CSRNP3: variants seen among roughly 807,000 people sequenced by gnomAD.
CSRNP3 encodes the protein cysteine/serine-rich nuclear protein 3.
CSRNP3 carries 12 observed loss-of-function variants against 48.0 expected under a neutral mutation model. The ratio of observed to expected loss-of-function variants is 0.25; its 90% confidence interval spans 0.16 to 0.41. The LOEUF is 0.41. Ranked by LOEUF, CSRNP3 falls within the 10% of genes least tolerant of loss-of-function variation. The pLI is 1.00. For missense variants in CSRNP3, 580 were observed against 724.4 expected (o/e 0.80, Z 2.29); for synonymous variants, 263 against 269.7 (o/e 0.98, Z 0.24).
intron 3 of CSRNP3, among the ~76,000 whole-genome samples, chr2:165,592,743 G>A (rs905423233): frequency 2.0e-5 from 3 of 150,768 alleles, no homozygotes; most frequent in African/African-American, 7.3e-5. Context: ...TGCCATGATT[G>A]TAAGTTTCTT....
chr2:165,512,319 G>C (rs1684517933), intron 2 of CSRNP3, among the ~76,000 whole-genome samples: 1 of 152,106 alleles, frequency 6.6e-6, no homozygotes, highest in Non-Finnish European at 1.5e-5. Context: ...ACTTCCTTAA[G>C]TTTTATAATT....
intron 4 of CSRNP3, among the ~76,000 whole-genome samples, chr2:165,629,288 G>C (rs559746942): frequency 6.6e-6 from 1 of 152,206 alleles, no homozygotes; most frequent in East Asian, 1.9e-4. Context: ...CCTGCTTCAG[G>C]TTCTGCGTAC....
intron 5 of CSRNP3, among the ~76,000 whole-genome samples, chr2:165,671,613 C>T (rs1687332533): frequency 6.6e-6 from 1 of 152,294 alleles, no homozygotes; most frequent in Middle Eastern, 3.4e-3. Context: ...CCTTCTAGGC[C>T]TCTGGGACTG....
intron 1 of CSRNP3, among the ~76,000 whole-genome samples, chr2:165,473,382 G>C (rs1418908244): frequency 6.6e-6 from 1 of 152,028 alleles, no homozygotes; most frequent in Non-Finnish European, 1.5e-5. Context: ...CTTATTGCTG[G>C]AAATGGAGGG....
chr2:165,511,671 G>A (rs553990348), intron 2 of CSRNP3, among the ~76,000 whole-genome samples: 2 of 152,092 alleles, frequency 1.3e-5, no homozygotes, highest in African/African-American at 4.8e-5. Flanking sequence ...GTGAGGAGGT[G>A]GGAAGGAATG....
rs893100315 is a variant in CSRNP3 at position 165,484,775 on chromosome 2, A to T, written c.-282-9984A>T. ...CTCACAATTTAGCTTTCTCTGTATA[A>T]TCCTGCTTCTATTGCCATGGAATCA... is the stretch of plus-strand genomic sequence containing the variant. On this transcript the variant is annotated intron_variant, in intron 1 of 6. Transcript: ENST00000651982. Among the ~76,000 whole-genome samples, 4 of 152,154 alleles carry T rather than the reference A, an allele frequency of 2.6e-5. No individual in the cohort carries two copies. The East Asian group carries it at 7.7e-4, about 29-fold the overall frequency.
intron 4 of CSRNP3, among the ~76,000 whole-genome samples, chr2:165,623,800 T>C (rs963012136): frequency 8.5e-5 from 13 of 152,234 alleles, no homozygotes; most frequent in Non-Finnish European, 1.0e-4. Context: ...ACTTGGATTC[T>C]ACTTATAGGT....
chr2:165,574,349 C>T (rs1356382584), intron 3 of CSRNP3: 4 of 1,548,952 alleles, frequency 2.6e-6, no homozygotes, highest in African/African-American at 1.4e-5. Context: ...CAGTGTTTTG[C>T]AGCAGTTAAA....
At chr2:165,676,234 C>A in intron 5 of CSRNP3, 78 bp from the exon 6 acceptor site, 2 of 1,032,574 alleles carry the variant, frequency 1.9e-6, no homozygotes, top group Non-Finnish European at 2.9e-6. Flanking sequence ...TATAATAGTT[C>A]ATTCTCACCC....
Position 165,658,829 on chromosome 2 carries a change from A to G in CSRNP3, c.408+809A>G, listed in dbSNP as rs1273346305. On this transcript the variant is annotated intron_variant, in intron 5 of 6. Transcript: ENST00000651982. Reference sequence around the variant, plus strand: ...ATGGGGGAACTGCACCCATGATTCAATTATCCCCCACTGGGTCCCTGCCAC... The same window carrying G: ...ATGGGGGAACTGCACCCATGATTCAGTTATCCCCCACTGGGTCCCTGCCAC... Among the ~76,000 whole-genome samples the G allele has an allele frequency of 6.6e-5, 10 of 152,158 alleles. 1 individual carries two copies. Among genetic ancestry groups the G allele is most frequent in the Non-Finnish European group, 8.8e-5 (6 of 68,028 alleles).
intron 4 of CSRNP3, among the ~76,000 whole-genome samples, chr2:165,615,577 T>G (rs1187795878): frequency 6.6e-6 from 1 of 151,916 alleles, no homozygotes. Flanking sequence ...AATTGTTATA[T>G]CCTCTTGCTG....
chr2:165,534,787 T>A (rs996086325), intron 3 of CSRNP3, among the ~76,000 whole-genome samples: 3 of 151,730 alleles, frequency 2.0e-5, no homozygotes, highest in Admixed American at 2.0e-4. Context: ...CCCATAATAT[T>A]AAAATAATAA....
intron 2 of CSRNP3, among the ~76,000 whole-genome samples, chr2:165,507,219 AATGTTTT>A (rs1684438307): frequency 6.6e-6 from 1 of 152,108 alleles, no homozygotes; most frequent in East Asian, 1.9e-4. Context: ...AAATAAGTAA[AATGTTTT>A]ACTTATTTTC....
intron 1 of CSRNP3, among the ~76,000 whole-genome samples, chr2:165,486,436 GC>G (rs1473747335): frequency 4.7e-5 from 7 of 150,266 alleles, no homozygotes; most frequent in Non-Finnish European, 8.9e-5. Context: ...ACTGGGTGGA[GC>G]CCACCACAGC....
In CSRNP3 at chr2:165,608,934, CAAAAAAAAAA is replaced by C. The variant is rs33952227; in HGVS notation, c.148+13735_148+13744del. On this transcript the variant is annotated intron_variant, in intron 4 of 6. Transcript: ENST00000651982. ...TGAAACCCCGTCTCTACTAAAAATA[CAAAAAAAAAA>C]AAAAAAAAAAAAATTAGCTGGGCAT... 3.7e-3 allele frequency among the ~76,000 whole-genome samples: 276 copies of C among 75,584 alleles called. 1 individual carries two copies. Among genetic ancestry groups the C allele is most frequent in the African/African-American group, 0.015 (263 of 17,906 alleles). 49.6% of individuals were successfully genotyped at this position (75,584 alleles called of 152,430 possible).
intron 3 of CSRNP3, among the ~76,000 whole-genome samples, chr2:165,550,717 G>T (rs990153293): frequency 2.0e-5 from 3 of 152,090 alleles, no homozygotes; most frequent in African/African-American, 7.2e-5. Context: ...GATAAATGTG[G>T]CACAATCCAT....
intron 3 of CSRNP3, among the ~76,000 whole-genome samples, chr2:165,522,644 G>A (rs1000551772): frequency 1.3e-5 from 2 of 151,758 alleles, no homozygotes; most frequent in Non-Finnish European, 2.9e-5. Context: ...GTAATCAGCG[G>A]GGTGAAGTTA....
At chr2:165,644,070 A>G (rs956386019) in intron 4 of CSRNP3, among the ~76,000 whole-genome samples, 3 of 152,160 alleles carry the variant, frequency 2.0e-5, no homozygotes, top group Non-Finnish European at 4.4e-5. Flanking sequence ...AATCATTTAT[A>G]ATATTCAGGT....
At chr2:165,511,148 T>TTACC (rs1314258691) in intron 2 of CSRNP3, among the ~76,000 whole-genome samples, 10 of 152,184 alleles carry the variant, frequency 6.6e-5, no homozygotes, top group Admixed American at 2.0e-4. Flanking sequence ...GATTTGGCAA[T>TTACC]ATTCAAGTTC....
Sources: allele counts gnomAD v4.1 joint callset (sites outside exome capture counted in the v4.1 genomes callset), GRCh38; gene constraint gnomAD v4.1.1; transcripts MANE v1.5; gene names NCBI Gene and HGNC (gene_info 2026-07-23, HGNC 2026-07-21).